The following COL23A1 variants were observed in gnomAD, a reference collection of about 807,000 sequenced individuals.
The protein encoded by COL23A1 is collagen type XXIII alpha 1 chain, also known as collagen alpha-1(XXIII) chain.
Under a neutral mutation model 99.3 loss-of-function variants are expected in COL23A1, and 97 were observed. That is an observed-to-expected ratio of 0.98 (90% CI 0.83 to 1.16). The LOEUF is 1.16. COL23A1 is among the 50% of genes most tolerant of loss of function. The pLI is 0.00. For synonymous variants in COL23A1, 320 were observed against 308.2 expected, an observed-to-expected ratio of 1.04 and a Z score of -0.40; for missense variants, 762 against 757.4, an observed-to-expected ratio of 1.01 and a Z score of -0.07.
chr5:178,484,757 G>A (rs577692146), intron 2 of COL23A1, among the ~76,000 whole-genome samples: 2 of 150,852 alleles, frequency 1.3e-5, no homozygotes, highest in African/African-American at 4.9e-5. Context: ...GGGAGGTGGA[G>A]GTTGCAGTGA....
intron 2 of COL23A1, among the ~76,000 whole-genome samples, chr5:178,350,547 C>T (rs534678741): frequency 2.5e-4 from 38 of 152,348 alleles, no homozygotes; most frequent in African/African-American, 8.9e-4. Context: ...GAATCTGGCA[C>T]AGGTAGCGTG....
chr5:178,290,276 C>A (rs935800648), intron 4 of COL23A1, 86 bp downstream of exon 4: 2 of 1,601,918 alleles, frequency 1.2e-6, no homozygotes, highest in Non-Finnish European at 1.7e-6. Context: ...ACCTCCCTAA[C>A]CAAAATTATG....
chr5:178,253,137 GTCCTGATCCAGGCTTTC>G (rs1765121568), intron 16 of COL23A1, among the ~76,000 whole-genome samples: 1 of 152,116 alleles, frequency 6.6e-6, no homozygotes, highest in Admixed American at 6.5e-5. Context: ...TCAAGCTCCT[GTCCTGATCCAGGCTTTC>G]TGCAGGCTAC....
intron 5 of COL23A1, among the ~76,000 whole-genome samples, chr5:178,275,776 G>A (rs1187223681): frequency 1.3e-5 from 2 of 152,026 alleles, no homozygotes; most frequent in East Asian, 1.9e-4. Flanking sequence ...AGGATCCCAC[G>A]GGAGCTGATT....
intron 3 of COL23A1, among the ~76,000 whole-genome samples, chr5:178,300,442 T>C (rs963218835): frequency 6.6e-5 from 10 of 152,212 alleles, no homozygotes; most frequent in African/African-American, 2.2e-4. Context: ...TTATTGAATA[T>C]GCCATCCTAC....
intron 2 of COL23A1, among the ~76,000 whole-genome samples, chr5:178,388,200 C>A (rs1418569594): frequency 2.0e-5 from 3 of 152,218 alleles, no homozygotes; most frequent in Non-Finnish European, 4.4e-5. Context: ...GTAAGTCTCC[C>A]TCCAGCAAGC....
intron 2 of COL23A1, among the ~76,000 whole-genome samples, chr5:178,328,126 G>A (rs952175849): frequency 3.3e-5 from 5 of 152,094 alleles, no homozygotes; most frequent in Non-Finnish European, 7.4e-5. Context: ...TGGGTGCGGA[G>A]GGCAGGGCGG....
rs1463453548 is a variant in COL23A1, at chr5:178,366,534, C to T, written c.362-59615G>A. ...CATCTGACCTTTCCAGACCAACTTCCACCCTGCCCCAACAGAGTGCTTTCA... is the reference window on the plus strand; with the variant it reads ...CATCTGACCTTTCCAGACCAACTTCTACCCTGCCCCAACAGAGTGCTTTCA... On this transcript the variant is annotated intron_variant, in intron 2 of 28. Coordinates refer to ENST00000390654, the MANE Select transcript of COL23A1 (RefSeq NM_173465.4). This position sits in a 1 kb window ranked among gnomAD's most constrained non-coding sequence, Gnocchi z 4.4. Among the ~76,000 whole-genome samples the T allele has an allele frequency of 6.6e-6, 1 of 152,216 alleles. No individual in the cohort carries two copies. Among genetic ancestry groups the T allele is most frequent in the Non-Finnish European group, 1.5e-5 (1 of 68,042 alleles).
intron 2 of COL23A1, among the ~76,000 whole-genome samples, chr5:178,546,713 C>A (rs966787796): frequency 6.6e-6 from 1 of 152,222 alleles, no homozygotes; most frequent in Admixed American, 6.5e-5. Flanking sequence ...CTGCCACAGC[C>A]AGTCCTATTT....
intron 2 of COL23A1, among the ~76,000 whole-genome samples, chr5:178,536,164 G>A (rs1760927051): frequency 6.6e-6 from 1 of 152,268 alleles, no homozygotes; most frequent in South Asian, 2.1e-4. Flanking sequence ...ACAATTCACT[G>A]CCATTCCCAC....
chr5:178,493,256 C>G (rs1434899086), intron 2 of COL23A1, among the ~76,000 whole-genome samples: 3 of 152,226 alleles, frequency 2.0e-5, no homozygotes, highest in African/African-American at 7.2e-5. Context: ...CATTCCTTAT[C>G]TATCTGTGGG....
chr5:178,504,389 A>G (rs1422950112), intron 2 of COL23A1, among the ~76,000 whole-genome samples: 1 of 152,198 alleles, frequency 6.6e-6, no homozygotes, highest in Non-Finnish European at 1.5e-5. Context: ...CCTGGGGGTC[A>G]AGAGGCTGCC....
chr5:178,573,334 C>T (rs1055469083), intron 1 of COL23A1, among the ~76,000 whole-genome samples: 7 of 152,324 alleles, frequency 4.6e-5, no homozygotes, highest in South Asian at 2.1e-4. Flanking sequence ...TGCCTGGGTT[C>T]GGTGACAGGT....
intron 2 of COL23A1, among the ~76,000 whole-genome samples, chr5:178,344,391 C>T (rs1760845173): frequency 6.6e-6 from 1 of 152,054 alleles, no homozygotes; most frequent in South Asian, 2.1e-4. Context: ...AATCCCAGCA[C>T]CTTGGGAGAC....
intron 2 of COL23A1, among the ~76,000 whole-genome samples, chr5:178,469,756 G>A (rs1344112046): frequency 6.6e-6 from 1 of 152,120 alleles, no homozygotes; most frequent in Admixed American, 6.5e-5. Flanking sequence ...GCTGCCTGCC[G>A]CTGGTGATAA....
intron 2 of COL23A1, among the ~76,000 whole-genome samples, chr5:178,354,985 G>A (rs1231628601): frequency 6.6e-6 from 1 of 151,616 alleles, no homozygotes; most frequent in Non-Finnish European, 1.5e-5. Flanking sequence ...TTGAAACCGG[G>A]AGGCGGAGGT....
chr5:178,260,084 G>A (rs1021184363), intron 11 of COL23A1, among the ~76,000 whole-genome samples: 12 of 152,196 alleles, frequency 7.9e-5, no homozygotes, highest in Non-Finnish European at 1.5e-4. Flanking sequence ...CTCCGTCAGC[G>A]AGGACCAGAG....
At chr5:178,274,846 C>T (rs1426505284) in intron 5 of COL23A1, among the ~76,000 whole-genome samples, 1 of 152,200 alleles carries the variant, frequency 6.6e-6, no homozygotes, top group Non-Finnish European at 1.5e-5. Flanking sequence ...CAGCTCGCTC[C>T]CCTGCCTGAT....
chr5:178,249,399 T>C (rs1764890664), intron 18 of COL23A1, among the ~76,000 whole-genome samples, 193 bp from the exon 19 acceptor site: 1 of 152,120 alleles, frequency 6.6e-6, no homozygotes, highest in Non-Finnish European at 1.5e-5. Flanking sequence ...TCCTGGCTCA[T>C]TGCATCCGGG....
Sources: allele counts gnomAD v4.1 joint callset (sites outside exome capture counted in the v4.1 genomes callset), GRCh38; gene constraint gnomAD v4.1.1; non-coding constraint Gnocchi (gnomAD v3.1); transcripts MANE v1.5; gene names NCBI Gene and HGNC (gene_info 2026-07-23, HGNC 2026-07-21).